KMO: variants seen among roughly 807,000 people sequenced by gnomAD.
KMO encodes kynurenine 3-hydroxylase.
KMO carries 24 observed loss-of-function variants against 57.8 expected under a neutral mutation model. The observed-to-expected ratio is 0.42, with a 90% confidence interval of 0.30 to 0.58. KMO has a LOEUF of 0.58. KMO is among the 20% of genes least tolerant of loss of function. The pLI is 0.22. For missense variants in KMO, 483 were observed against 588.2 expected (o/e 0.82, Z 1.85); for synonymous variants, 210 against 193.6 (o/e 1.08, Z -0.70).
chr1:241,556,906 A>T (rs1197130200), intron 5 of KMO, among the ~76,000 whole-genome samples: 1 of 151,464 alleles, frequency 6.6e-6, no homozygotes, highest in Non-Finnish European at 1.5e-5. Flanking sequence ...TAATAATAAT[A>T]ATAATAATAA....
At chr1:241,569,361 T>C (rs1662194947) in intron 10 of KMO, among the ~76,000 whole-genome samples, 1 of 151,424 alleles carries the variant, frequency 6.6e-6, no homozygotes, top group Non-Finnish European at 1.5e-5. Context: ...TCATTCTATC[T>C]CCATAAGTTT....
chr1:241,533,942 G>A (rs1296830838), intron 1 of KMO, among the ~76,000 whole-genome samples: 2 of 152,224 alleles, frequency 1.3e-5, no homozygotes, highest in Non-Finnish European at 2.9e-5. Flanking sequence ...ACAGCAGGAA[G>A]AGAAACCCTC....
intron 10 of KMO, among the ~76,000 whole-genome samples, chr1:241,579,161 C>T (rs1009544374): frequency 6.6e-6 from 1 of 152,104 alleles, no homozygotes; most frequent in South Asian, 2.1e-4. Context: ...GCAGGTTATT[C>T]TACCTGCAGA....
intron 2 of KMO, among the ~76,000 whole-genome samples, chr1:241,549,233 G>A (rs1281262706): frequency 1.5e-4 from 2 of 13,260 alleles, no homozygotes; most frequent in Non-Finnish European, 3.6e-4. Flanking sequence ...AAGAAAGAAA[G>A]AAAGAAAGAA....
At chr1:241,544,353 A>C (rs1487213909) in intron 1 of KMO, among the ~76,000 whole-genome samples, 2 of 152,226 alleles carry the variant, frequency 1.3e-5, no homozygotes, top group Non-Finnish European at 1.5e-5. Flanking sequence ...CTGTGTCTTC[A>C]TTCCAACTCT....
At chr1:241,560,015 T>C (rs1386694388) in intron 5 of KMO, among the ~76,000 whole-genome samples, 1 of 152,180 alleles carries the variant, frequency 6.6e-6, no homozygotes, top group Admixed American at 6.5e-5. Context: ...AGGGACAAAA[T>C]CACATTTTAC....
intron 10 of KMO, among the ~76,000 whole-genome samples, chr1:241,582,233 G>A (rs1662780935): frequency 1.3e-5 from 2 of 152,030 alleles, no homozygotes; most frequent in Admixed American, 1.3e-4. Context: ...ATTAATATAT[G>A]CTTTGATGTA....
intron 10 of KMO, among the ~76,000 whole-genome samples, chr1:241,569,512 T>C (rs1175194531): frequency 6.6e-6 from 1 of 152,174 alleles, no homozygotes; most frequent in African/African-American, 2.4e-5. Context: ...AGCTGAATAA[T>C]ATTCCATTGT....
chr1:241,532,599 T>C, intron 1 of KMO, 101 bp downstream of exon 1: 3 of 862,290 alleles, frequency 3.5e-6, no homozygotes, highest in Non-Finnish European at 5.5e-6. Context: ...GTTAATTTTC[T>C]TGTGAAAACT....
At chr1:241,590,431 A>G (rs1397391620) in intron 14 of KMO, 168 bp downstream of exon 14, 3 of 566,484 alleles carry the variant, frequency 5.3e-6, no homozygotes, top group Non-Finnish European at 9.3e-6. Context: ...TGCTTACTGA[A>G]AAACATTACA....
At chr1:241,559,531 G>C (rs1661761731) in intron 5 of KMO, among the ~76,000 whole-genome samples, 1 of 152,074 alleles carries the variant, frequency 6.6e-6, no homozygotes, top group Non-Finnish European at 1.5e-5. Flanking sequence ...TTACTTCAAA[G>C]TTATTTGCCA....
chr1:241,585,285 C>T (rs1426616108), intron 10 of KMO, among the ~76,000 whole-genome samples: 1 of 151,578 alleles, frequency 6.6e-6, no homozygotes, highest in Non-Finnish European at 1.5e-5. Flanking sequence ...TAATGTCTAC[C>T]TCAGAGAGTT....
chr1:241,549,202 G>A (rs61825637), intron 2 of KMO, among the ~76,000 whole-genome samples: 36 of 19,962 alleles, frequency 1.8e-3, no homozygotes, highest in African/African-American at 4.0e-3. Context: ...GAAAGAAAAG[G>A]AAGAAAGAAA....
At chr1:241,554,275 CTT>C (rs1661522990) in intron 4 of KMO, among the ~76,000 whole-genome samples, 2 of 123,950 alleles carry the variant, frequency 1.6e-5, no homozygotes, top group African/African-American at 2.9e-5. Flanking sequence ...TCCTTCCTTC[CTT>C]CCTTCCTCCC....
chr1:241,595,237 T>C lies in KMO; in HGVS notation c.*3084T>C, dbSNP rs1663468849. On this transcript the variant is annotated 3_prime_UTR_variant, in exon 15 of 15. Coordinates refer to ENST00000366559, the MANE Select transcript of KMO (RefSeq NM_003679.5). ...CACTAATGTCATCAACAAACATTGT[T>C]CTTCTCCGTGTCCTGGGTACAACAT... The C allele has an allele frequency of 6.6e-6, 1 of 152,400 alleles. No individual in the cohort carries two copies. The highest frequency in any genetic ancestry group is 1.5e-5 in the Non-Finnish European group (1 of 68,188). 9.4% of individuals were successfully genotyped at this position (152,400 alleles called of 1,614,324 possible).
chr1:241,544,266 T>C (rs2147943831), intron 1 of KMO, among the ~76,000 whole-genome samples: 1 of 152,326 alleles, frequency 6.6e-6, no homozygotes, highest in South Asian at 2.1e-4. Flanking sequence ...CTCATTTCTA[T>C]TAGGTTGATG....
intron 1 of KMO, among the ~76,000 whole-genome samples, chr1:241,539,399 A>G (rs1469274828): frequency 2.6e-5 from 4 of 152,210 alleles, no homozygotes; most frequent in African/African-American, 9.6e-5. Flanking sequence ...AATTCCAGAA[A>G]GCAGCAATAG....
intron 10 of KMO, among the ~76,000 whole-genome samples, chr1:241,569,744 C>T (rs1662209537): frequency 6.6e-6 from 1 of 152,060 alleles, no homozygotes; most frequent in South Asian, 2.1e-4. Context: ...TGCTGTTTTC[C>T]ATAGTGGTTG....
At chr1:241,585,765 A>C (rs1168342208) in intron 10 of KMO, among the ~76,000 whole-genome samples, 2 of 151,798 alleles carry the variant, frequency 1.3e-5, no homozygotes, top group Admixed American at 1.3e-4. Flanking sequence ...AATAAAAAAA[A>C]AAGAACAAAA....
Sources: allele counts gnomAD v4.1 joint callset (sites outside exome capture counted in the v4.1 genomes callset), GRCh38; gene constraint gnomAD v4.1.1; transcripts MANE v1.5; gene names NCBI Gene and HGNC (gene_info 2026-07-23, HGNC 2026-07-21).